The following PARD3B variants were observed in gnomAD, a reference collection of about 807,000 sequenced individuals.
The protein encoded by PARD3B is partitioning defective 3 homolog B.
Under a neutral mutation model 130.2 loss-of-function variants are expected in PARD3B, and 103 were observed. That is an observed-to-expected ratio of 0.79 (90% CI 0.67 to 0.93). PARD3B has a LOEUF of 0.93. Among genes scored for constraint, PARD3B ranks in the 40% least tolerant of loss-of-function variants. The pLI, the probability that PARD3B is intolerant of heterozygous loss-of-function variation, is 0.00. For synonymous variants in PARD3B, 583 were observed against 553.2 expected (o/e 1.05, Z -0.76); for missense variants, 1,609 against 1,499.2 (o/e 1.07, Z -1.21).
intron 3 of PARD3B, among the ~76,000 whole-genome samples, chr2:204,965,662 A>C (rs1274326921): frequency 6.6e-6 from 1 of 152,204 alleles, no homozygotes; most frequent in African/African-American, 2.4e-5. Context: ...AGGTTTATCA[A>C]AGAATCCATG....
chr2:204,944,346 A>T (rs944647999), intron 2 of PARD3B, among the ~76,000 whole-genome samples: 12 of 152,160 alleles, frequency 7.9e-5, no homozygotes, highest in Non-Finnish European at 1.5e-4. Flanking sequence ...CCTCCTGTCA[A>T]TGGCTTCTGT....
chr2:205,261,246 TAAATG>T (rs1399156786), intron 16 of PARD3B, among the ~76,000 whole-genome samples: 1 of 152,094 alleles, frequency 6.6e-6, no homozygotes, highest in Non-Finnish European at 1.5e-5. Flanking sequence ...AATTGTTTGT[TAAATG>T]AATGAATGAA....
In PARD3B at chr2:205,559,632, T is replaced by G. The variant is rs538777035; in HGVS notation, c.3260+6229T>G. ...TTTTTTTTTTGAGACAGAGTCTCAC[T>G]CTGTTGCCCAGGCTGGAGTGCAGTG... On this transcript the variant is annotated intron_variant, in intron 22 of 22. Coordinates refer to ENST00000406610, the MANE Select transcript of PARD3B (RefSeq NM_001302769.2). 2.2e-5 allele frequency among the ~76,000 whole-genome samples: 3 copies of G among 137,934 alleles called. No homozygotes were observed. In the South Asian group the frequency reaches 7.0e-4, roughly 32 times the overall value. 90.5% of individuals were successfully genotyped at this position (137,934 alleles called of 152,430 possible).
intron 2 of PARD3B, among the ~76,000 whole-genome samples, chr2:204,790,125 C>T (rs1338897571): frequency 6.6e-6 from 1 of 152,158 alleles, no homozygotes; most frequent in African/African-American, 2.4e-5. Flanking sequence ...CTGCCTTGGC[C>T]TCCCAGAGTG....
chr2:204,580,493 G>A lies in PARD3B; in HGVS notation c.120+34374G>A, dbSNP rs116024982. Among the ~76,000 whole-genome samples, 1,092 of 152,176 alleles carry A rather than the reference G, an allele frequency of 7.2e-3. 16 individuals carry two copies. Among genetic ancestry groups the A allele is most frequent in the African/African-American group, 0.025 (1,035 of 41,522 alleles). Reference sequence around the variant, plus strand: ...ATTTTTCTGTCATCTGACCCTAGCCGATCCTATCACTTGTTATGGAGGTAG... The same window carrying A: ...ATTTTTCTGTCATCTGACCCTAGCCAATCCTATCACTTGTTATGGAGGTAG... On this transcript the variant is annotated intron_variant, in intron 1 of 22. Coordinates refer to ENST00000406610, the MANE Select transcript of PARD3B (RefSeq NM_001302769.2).
chr2:204,966,103 A>T (rs1040954874), intron 3 of PARD3B, among the ~76,000 whole-genome samples: 1 of 152,190 alleles, frequency 6.6e-6, no homozygotes, highest in Non-Finnish European at 1.5e-5. Context: ...GGCTTATTCC[A>T]CTTTGCAAAG....
intron 2 of PARD3B, among the ~76,000 whole-genome samples, chr2:204,944,709 T>G (rs1042151180): frequency 2.0e-5 from 3 of 152,232 alleles, no homozygotes; most frequent in African/African-American, 7.2e-5. Flanking sequence ...TAGAAAAGCT[T>G]TATTTTGAAA....
intron 15 of PARD3B, among the ~76,000 whole-genome samples, chr2:205,202,900 A>C (rs537711360): frequency 6.6e-6 from 1 of 152,168 alleles, no homozygotes; most frequent in Non-Finnish European, 1.5e-5. Context: ...AAATTCTCCT[A>C]AAGTTAAGTA....
At chr2:204,665,086 TG>T (rs1353353501) in intron 1 of PARD3B, among the ~76,000 whole-genome samples, 1 of 151,964 alleles carries the variant, frequency 6.6e-6, no homozygotes, top group Admixed American at 6.6e-5. Flanking sequence ...TAATCATGTT[TG>T]TGGCTATGAT....
chr2:205,296,744 G>A (rs2041809790), intron 16 of PARD3B, among the ~76,000 whole-genome samples: 1 of 151,484 alleles, frequency 6.6e-6, no homozygotes. Flanking sequence ...AGGGTAGTAG[G>A]GGATGTATCG....
chr2:205,388,101 C>A (rs1404393498), intron 18 of PARD3B, among the ~76,000 whole-genome samples: 1 of 152,166 alleles, frequency 6.6e-6, no homozygotes. Context: ...GGTATGCTCA[C>A]CAGAGACCCC....
chr2:205,500,583 T>G (rs1454978665), intron 21 of PARD3B, among the ~76,000 whole-genome samples: 1 of 152,134 alleles, frequency 6.6e-6, no homozygotes, highest in African/African-American at 2.4e-5. Flanking sequence ...CAGTGACCAC[T>G]GAAGAAAAAC....
rs374288614 is a variant in PARD3B, at chr2:205,230,955, C to G, written c.2141-14823C>G. Among the ~76,000 whole-genome samples the G allele has an allele frequency of 2.0e-5, 3 of 152,058 alleles. No individual in the cohort carries two copies. The highest frequency in any genetic ancestry group is 1.9e-4 in the East Asian group (1 of 5,152). ...GTGCAAAGTCTCCAATCACTATGCTCTCCCTCCCCAAGGTGCACAGATTCT... is the reference window on the plus strand; with the variant it reads ...GTGCAAAGTCTCCAATCACTATGCTGTCCCTCCCCAAGGTGCACAGATTCT... On this transcript the variant is annotated intron_variant, in intron 15 of 22. Coordinates refer to ENST00000406610, the MANE Select transcript of PARD3B (RefSeq NM_001302769.2). This position sits in a 1 kb window ranked among gnomAD's most constrained non-coding sequence, Gnocchi z 4.1.
chr2:204,704,673 A>G lies in PARD3B; in HGVS notation c.222+18391A>G, dbSNP rs1574757117. On this transcript the variant is annotated intron_variant, in intron 2 of 22. Coordinates refer to ENST00000406610, the MANE Select transcript of PARD3B (RefSeq NM_001302769.2). ...AACTTGCTCGTGGCTTTTAGTTATCAGAGATTTTACATTTATCTTTTCTTC... is the reference window on the plus strand; with the variant it reads ...AACTTGCTCGTGGCTTTTAGTTATCGGAGATTTTACATTTATCTTTTCTTC... Among the ~76,000 whole-genome samples the G allele has an allele frequency of 1.3e-5, 2 of 152,306 alleles. 1 individual carries two copies. The highest frequency in any genetic ancestry group is 4.8e-5 in the African/African-American group (2 of 41,578).
chr2:205,279,381 T>C (rs1336509303), intron 16 of PARD3B, among the ~76,000 whole-genome samples: 1 of 152,196 alleles, frequency 6.6e-6, no homozygotes, highest in Non-Finnish European at 1.5e-5. Context: ...ACTAACGCCA[T>C]TGGAGGACTC....
intron 19 of PARD3B, among the ~76,000 whole-genome samples, chr2:205,410,662 A>G (rs1310716146): frequency 6.6e-6 from 1 of 152,142 alleles, no homozygotes; most frequent in East Asian, 1.9e-4. Context: ...AGTAATCTTA[A>G]TTTGCTGAAA....
chr2:205,354,954 A>T (rs916845875), intron 18 of PARD3B, among the ~76,000 whole-genome samples: 6 of 152,186 alleles, frequency 3.9e-5, no homozygotes, highest in African/African-American at 1.4e-4. Flanking sequence ...GATTTTTGTG[A>T]TCGGGGTTAA....
chr2:204,604,403 G>T (rs374534577), intron 1 of PARD3B, among the ~76,000 whole-genome samples: 1 of 152,164 alleles, frequency 6.6e-6, no homozygotes, highest in African/African-American at 2.4e-5. Flanking sequence ...TGGCATAAAA[G>T]CTAAGCTTTT....
chr2:205,082,348 T>G (rs1180454397), intron 4 of PARD3B, among the ~76,000 whole-genome samples: 1 of 152,196 alleles, frequency 6.6e-6, no homozygotes, highest in African/African-American at 2.4e-5. Flanking sequence ...AAGCATAATT[T>G]ATAAATTATG....
Sources: gnomAD v4.1 joint callset for allele counts (sites outside exome capture counted in the v4.1 genomes callset) on GRCh38, gnomAD v4.1.1 for gene constraint, Gnocchi (gnomAD v3.1) non-coding constraint, MANE v1.5 for transcripts, NCBI Gene and HGNC (gene_info 2026-07-23, HGNC 2026-07-21) for gene names.